Variants in SORCS2 observed in about 807,000 individuals in gnomAD.
SORCS2 encodes sortilin related VPS10 domain containing receptor 2.
Under a neutral mutation model 141.6 loss-of-function variants are expected in SORCS2, and 100 were observed. That is an observed-to-expected ratio of 0.71 (90% confidence interval 0.60 to 0.83). The LOEUF is 0.83. Among genes scored for constraint, SORCS2 ranks in the 40% least tolerant of loss-of-function variants. The pLI, the probability that SORCS2 is intolerant of heterozygous loss-of-function variation, is 0.00. For synonymous variants in SORCS2, 789 were observed against 676.9 expected (o/e 1.17, Z -2.57); for missense variants, 1,646 against 1,560.2 (o/e 1.05, Z -0.93).
intron 1 of SORCS2, among the ~76,000 whole-genome samples, chr4:7,298,228 G>T (rs1717207914): frequency 6.6e-6 from 1 of 152,202 alleles, no homozygotes; most frequent in South Asian, 2.1e-4. Flanking sequence ...AAGAGAAAGG[G>T]GCAGTTTGGG....
chr4:7,635,806 C>T (rs553580472), intron 3 of SORCS2, among the ~76,000 whole-genome samples: 78 of 152,300 alleles, frequency 5.1e-4, no homozygotes, highest in Non-Finnish European at 7.8e-4. Context: ...TCCAAGGAAT[C>T]GCTCTCCACG....
chr4:7,552,731 G>A (rs925324028), intron 3 of SORCS2, among the ~76,000 whole-genome samples: 1 of 152,066 alleles, frequency 6.6e-6, no homozygotes, highest in African/African-American at 2.4e-5. Context: ...ACAACTAGAT[G>A]ACTTTTCCTC....
intron 1 of SORCS2, among the ~76,000 whole-genome samples, chr4:7,362,903 TATTACTATCATCATCACCATCACCATC>T (rs1232198189): frequency 3.5e-5 from 5 of 144,350 alleles, no homozygotes; most frequent in Non-Finnish European, 6.1e-5. Flanking sequence ...CTACCAGCAC[TATTACTATCATCATCACCATCACCATC>T]ATTACTACCA....
chr4:7,546,808 G>A lies in SORCS2; in HGVS notation c.648+15179G>A, dbSNP rs555796191. ...CTCCCTCTGATAGGCTGTGCTTGCC[G>A]TAGCCAGAATTTCATCCCTCTTCCC... On this transcript the variant is annotated intron_variant, in intron 3 of 26. Transcript: ENST00000507866. 1.4e-4 allele frequency among the ~76,000 whole-genome samples: 22 copies of A among 152,332 alleles called. No individual in the cohort carries two copies. In the South Asian group the frequency reaches 2.3e-3, roughly 16 times the overall value.
intron 3 of SORCS2, among the ~76,000 whole-genome samples, chr4:7,627,927 T>C (rs1454781174): frequency 6.6e-6 from 1 of 152,194 alleles, no homozygotes; most frequent in Non-Finnish European, 1.5e-5. Flanking sequence ...CGCAGGAACC[T>C]TGAGAAACAG....
chr4:7,237,361 C>A (rs1195526926), intron 1 of SORCS2, among the ~76,000 whole-genome samples: 3 of 152,078 alleles, frequency 2.0e-5, no homozygotes, highest in African/African-American at 7.2e-5. Context: ...GTCCGCTGGG[C>A]TGCTGTTTTT....
chr4:7,297,121 G>A (rs1014411911), intron 1 of SORCS2, among the ~76,000 whole-genome samples: 26 of 152,268 alleles, frequency 1.7e-4, no homozygotes, highest in African/African-American at 6.3e-4. Flanking sequence ...GGATGCCCAT[G>A]GGTTCCCTCT....
At chr4:7,219,123 C>T (rs1728547339) in intron 1 of SORCS2, among the ~76,000 whole-genome samples, 1 of 151,282 alleles carries the variant, frequency 6.6e-6, no homozygotes, top group African/African-American at 2.4e-5. Flanking sequence ...TGCTTGTTTC[C>T]TTAATTATAT....
intron 8 of SORCS2, among the ~76,000 whole-genome samples, chr4:7,674,578 TAAAAAAAAAAA>T (rs377431157): frequency 3.6e-5 from 3 of 82,574 alleles, no homozygotes; most frequent in South Asian, 4.4e-4. Context: ...TGTCTCAAAA[TAAAAAAAAAAA>T]AAAAAAAAAA....
intron 1 of SORCS2, among the ~76,000 whole-genome samples, chr4:7,347,896 T>C (rs1038430283): frequency 6.6e-6 from 1 of 152,228 alleles, no homozygotes; most frequent in Non-Finnish European, 1.5e-5. Flanking sequence ...ATGATGTAAA[T>C]TTCAATTCAT....
At chr4:7,661,061 C>T (rs6839841) in intron 5 of SORCS2, among the ~76,000 whole-genome samples, 104,785 of 152,042 alleles carry the variant, frequency 0.69, 36,162 homozygotes, top group Non-Finnish European at 0.71. Context: ...ATTTATAAAA[C>T]TAGGATAGGA....
intron 1 of SORCS2, among the ~76,000 whole-genome samples, chr4:7,207,340 C>T (rs1727798886): frequency 1.3e-5 from 2 of 152,380 alleles, no homozygotes; most frequent in South Asian, 4.1e-4. Flanking sequence ...CGAGCCCCTC[C>T]CGCCCACACA....
intron 1 of SORCS2, among the ~76,000 whole-genome samples, chr4:7,297,845 C>T (rs1025470255): frequency 6.6e-6 from 1 of 152,190 alleles, no homozygotes; most frequent in African/African-American, 2.4e-5. Context: ...GGGCTTTGTG[C>T]TGGCCCCACC....
At chr4:7,487,660 G>A (rs532194801) in intron 2 of SORCS2, among the ~76,000 whole-genome samples, 193 of 152,318 alleles carry the variant, frequency 1.3e-3, no homozygotes, top group African/African-American at 4.1e-3. Flanking sequence ...CTAGACTCAC[G>A]TAGCGGTGAT....
Position 7,648,800 on chromosome 4 carries a change from G to A in SORCS2, c.814-5334G>A, listed in dbSNP as rs947615256. 1.3e-5 allele frequency among the ~76,000 whole-genome samples: 2 copies of A among 151,938 alleles called. No homozygotes were observed. Among genetic ancestry groups the A allele is most frequent in the Admixed American group, 1.3e-4 (2 of 15,252 alleles). On this transcript the variant is annotated intron_variant, in intron 4 of 26. Transcript: ENST00000507866. The surrounding 1 kb of genome is among the most constrained non-coding windows in gnomAD (Gnocchi z 4.2). ...GAGCAATGGGAGTGGACTGAGTGCC[G>A]TGGTAGAGGAAGAGAGGCTAGAAAC...
chr4:7,714,352 G>T lies in SORCS2; in HGVS notation c.2102G>T (p.Cys701Phe). 1 of 1,557,268 alleles carries T rather than the reference G, an allele frequency of 6.4e-7. No individual in the cohort carries two copies. ...GCGCTCACGTCCCGCGTGTGCGAGT[G>T]CCGGGACTCGGACTTCCTGTGGTGA... ...TSALTSRVCE[C>F]RDSDFLCDYG... Residue 701 changes from cysteine (C) to phenylalanine (F), a missense_variant, in exon 16 of 27, where the codon TGC becomes TTC. By Grantham distance (205) the Cys-to-Phe change is radical. Coordinates refer to ENST00000507866, the MANE Select transcript of SORCS2 (RefSeq NM_020777.3).
chr4:7,238,646 G>T (rs1328119313), intron 1 of SORCS2, among the ~76,000 whole-genome samples: 1 of 152,220 alleles, frequency 6.6e-6, no homozygotes, highest in Admixed American at 6.5e-5. Context: ...ACCCTCACGT[G>T]GTTGTGTTTG....
At chr4:7,610,345 A>G (rs1718327041) in intron 3 of SORCS2, among the ~76,000 whole-genome samples, 1 of 152,048 alleles carries the variant, frequency 6.6e-6, no homozygotes, top group Non-Finnish European at 1.5e-5. Flanking sequence ...ATGTGGGCTG[A>G]GCTCCAGAGG....
chr4:7,704,726 G>A lies in SORCS2; in HGVS notation c.1868+442G>A, dbSNP rs1057281698. ...CAAAGGGGCCTCAGGAGCCTCTGTC[G>A]TTCAGAGCCTCTCTGGCCCAGGAGC... On this transcript the variant is annotated intron_variant, in intron 14 of 26. Coordinates refer to ENST00000507866, the MANE Select transcript of SORCS2 (RefSeq NM_020777.3). 3.3e-5 allele frequency among the ~76,000 whole-genome samples: 5 copies of A among 152,224 alleles called. No homozygotes were observed. In the East Asian group the frequency reaches 5.8e-4, roughly 18 times the overall value.
Sources: gnomAD v4.1 joint callset for allele counts (sites outside exome capture counted in the v4.1 genomes callset) on GRCh38, gnomAD v4.1.1 for gene constraint, Gnocchi (gnomAD v3.1) non-coding constraint, MANE v1.5 for transcripts, NCBI Gene and HGNC (gene_info 2026-07-23, HGNC 2026-07-21) for gene names.